Variants in BCL2 observed in about 807,000 individuals in gnomAD.
BCL2 encodes the protein BCL2 apoptosis regulator.
Under a neutral mutation model 14.2 loss-of-function variants are expected in BCL2, and 1 was observed. The ratio of observed to expected loss-of-function variants is 0.07; its 90% CI spans 0.02 to 0.33. BCL2 has a LOEUF of 0.33. Among genes scored for constraint, BCL2 ranks in the 10% least tolerant of loss-of-function variants. The pLI is 0.99. For missense variants in BCL2, 247 were observed against 305.9 expected (o/e 0.81, Z 1.44); for synonymous variants, 151 against 137.2 (o/e 1.10, Z -0.70).
At chr18:63,299,637 C>T (rs1396055086) in intron 2 of BCL2, among the ~76,000 whole-genome samples, 1 of 152,158 alleles carries the variant, frequency 6.6e-6, no homozygotes, top group Non-Finnish European at 1.5e-5. Flanking sequence ...GAGCGAGCCT[C>T]CACTATCTTC....
At chr18:63,265,666 G>C (rs1477610756) in intron 2 of BCL2, among the ~76,000 whole-genome samples, 1 of 151,968 alleles carries the variant, frequency 6.6e-6, no homozygotes, top group Middle Eastern at 3.2e-3. Flanking sequence ...TTTCTGCATG[G>C]GGAAAAAACA....
intron 2 of BCL2, among the ~76,000 whole-genome samples, chr18:63,166,453 A>C (rs940281654): frequency 3.9e-5 from 6 of 152,212 alleles, no homozygotes; most frequent in African/African-American, 1.4e-4. Flanking sequence ...CCACACTGTC[A>C]CTGGCTGGGA....
intron 2 of BCL2, among the ~76,000 whole-genome samples, chr18:63,177,977 C>T (rs953087819): frequency 2.0e-5 from 3 of 152,174 alleles, no homozygotes; most frequent in Admixed American, 2.0e-4. Flanking sequence ...GTGCACACCT[C>T]CAAAAGGACT....
Position 63,297,251 on chromosome 18 carries a change from T to TAGG in BCL2, c.585+20830_585+20831insCCT, listed in dbSNP as rs1003698667. Reference sequence around the variant, plus strand: ...AGAAAGAAATATAATGGGAACCACATATGTAATTTTAAATTTTTAGTGGTC... The same window carrying TAGG: ...AGAAAGAAATATAATGGGAACCACATAGGATGTAATTTTAAATTTTTAGTGGTC... On this transcript the variant is annotated intron_variant, in intron 2 of 2. Coordinates refer to ENST00000333681, the MANE Select transcript of BCL2 (RefSeq NM_000633.3). 7.2e-5 allele frequency among the ~76,000 whole-genome samples: 11 copies of TAGG among 152,274 alleles called. No homozygotes were observed. In the East Asian group the frequency reaches 1.5e-3, roughly 21 times the overall value.
At chr18:63,205,656 T>C (rs1568233435) in intron 2 of BCL2, among the ~76,000 whole-genome samples, 1 of 152,070 alleles carries the variant, frequency 6.6e-6, no homozygotes, top group Non-Finnish European at 1.5e-5. Context: ...ACCTCCTCTA[T>C]TTAAAAAAAC....
At chr18:63,315,929 G>A (rs1276981336) in intron 2 of BCL2, 1 of 152,240 alleles carries the variant, frequency 6.6e-6, no homozygotes, top group Non-Finnish European at 1.5e-5. Context: ...TGTTCTGAAA[G>A]CTATTACATA....
intron 2 of BCL2, among the ~76,000 whole-genome samples, chr18:63,172,706 G>T (rs550303750): frequency 2.6e-5 from 4 of 152,114 alleles, no homozygotes; most frequent in Non-Finnish European, 5.9e-5. Flanking sequence ...GCGTGAACCT[G>T]GGAGGTGGAG....
chr18:63,170,902 C>A (rs1915206190), intron 2 of BCL2, among the ~76,000 whole-genome samples: 1 of 152,194 alleles, frequency 6.6e-6, no homozygotes, highest in Non-Finnish European at 1.5e-5. Context: ...AGAGTTACAC[C>A]AATCGAGTGT....
At chr18:63,244,724 A>G (rs76689098) in intron 2 of BCL2, among the ~76,000 whole-genome samples, 6,096 of 152,284 alleles carry the variant, frequency 0.04, 204 homozygotes, top group African/African-American at 0.091. Context: ...AGTTCATTTC[A>G]TCCGTCCTAG....
intron 2 of BCL2, among the ~76,000 whole-genome samples, chr18:63,191,160 C>T (rs1909281713): frequency 6.6e-6 from 1 of 152,206 alleles, no homozygotes; most frequent in Middle Eastern, 3.2e-3. Context: ...CTGCAATAAA[C>T]ATACATGTGC....
intron 2 of BCL2, among the ~76,000 whole-genome samples, chr18:63,137,011 C>T (rs1215999989): frequency 2.0e-5 from 3 of 152,188 alleles, no homozygotes; most frequent in African/African-American, 7.2e-5. Context: ...CTGTGATTTC[C>T]AGTCTGATCT....
intron 2 of BCL2, among the ~76,000 whole-genome samples, chr18:63,248,957 A>T (rs1290684084): frequency 6.6e-6 from 1 of 152,200 alleles, no homozygotes; most frequent in African/African-American, 2.4e-5. Context: ...GTCCTGTAAG[A>T]TGCTACTTGG....
chr18:63,287,117 C>T (rs1912498145), intron 2 of BCL2, among the ~76,000 whole-genome samples: 1 of 152,194 alleles, frequency 6.6e-6, no homozygotes, highest in Non-Finnish European at 1.5e-5. Context: ...TCCCTTTTCT[C>T]ACAAGAGCTC....
intron 2 of BCL2, among the ~76,000 whole-genome samples, chr18:63,175,817 T>C (rs988774898): frequency 2.0e-5 from 3 of 152,088 alleles, no homozygotes; most frequent in African/African-American, 7.2e-5. Context: ...TTCTTAAGAG[T>C]ATCAGGAGCC....
intron 2 of BCL2, among the ~76,000 whole-genome samples, chr18:63,268,719 T>C (rs1445834976): frequency 6.6e-6 from 1 of 152,204 alleles, no homozygotes; most frequent in Admixed American, 6.5e-5. Context: ...GCAACAGAAA[T>C]ATTATTCACA....
chr18:63,171,811 C>T (rs1468256379), intron 2 of BCL2, among the ~76,000 whole-genome samples: 1 of 151,946 alleles, frequency 6.6e-6, no homozygotes, highest in African/African-American at 2.4e-5. Context: ...CTTGTCTCTA[C>T]AAAAAATTAA....
intron 2 of BCL2, among the ~76,000 whole-genome samples, chr18:63,267,271 C>T (rs1258041306): frequency 6.6e-6 from 1 of 152,114 alleles, no homozygotes; most frequent in Non-Finnish European, 1.5e-5. Context: ...TGGCAAGAGT[C>T]AGGAGGACAG....
chr18:63,184,008 CAG>C (rs2144644852), intron 2 of BCL2, among the ~76,000 whole-genome samples: 1 of 152,314 alleles, frequency 6.6e-6, no homozygotes, highest in East Asian at 1.9e-4. Flanking sequence ...AGACGCATGA[CAG>C]AGCAGAAGAG....
intron 2 of BCL2, among the ~76,000 whole-genome samples, chr18:63,156,324 G>A (rs1288280468): frequency 6.6e-6 from 1 of 152,174 alleles, no homozygotes; most frequent in Non-Finnish European, 1.5e-5. Context: ...TAGATCAATT[G>A]ACATTCTGGG....
Sources: allele counts gnomAD v4.1 joint callset (sites outside exome capture counted in the v4.1 genomes callset), GRCh38; gene constraint gnomAD v4.1.1; transcripts MANE v1.5; gene names NCBI Gene and HGNC (gene_info 2026-07-23, HGNC 2026-07-21).